PCDHGA5: variants seen among roughly 807,000 people sequenced by gnomAD.
PCDHGA5 encodes protocadherin gamma subfamily A, 5.
PCDHGA5 carries 36 observed loss-of-function variants against 56.7 expected under a neutral mutation model. The ratio of observed to expected loss-of-function variants is 0.64; its 90% CI spans 0.49 to 0.84. PCDHGA5 has a LOEUF of 0.84. PCDHGA5 is among the 40% of genes least tolerant of loss of function. The pLI is 0.00. For missense variants in PCDHGA5, 1,305 were observed against 1,201.5 expected, an observed-to-expected ratio of 1.09 and a Z score of -1.27; for synonymous variants, 563 against 520.2, an observed-to-expected ratio of 1.08 and a Z score of -1.12.
At chr5:141,411,250 T>C (rs1009574489) in intron 1 of PCDHGA5, 1 of 152,156 alleles carries the variant, frequency 6.6e-6, no homozygotes, top group African/African-American at 2.4e-5. Context: ...ATTTACGATA[T>C]CTTATTTATA....
At chr5:141,401,296 C>A (rs2094138441) in intron 1 of PCDHGA5, among the ~76,000 whole-genome samples, 1 of 152,104 alleles carries the variant, frequency 6.6e-6, no homozygotes, top group Non-Finnish European at 1.5e-5. Flanking sequence ...GAGCCGAGAT[C>A]ACTCCATTGC....
intron 2 of PCDHGA5, among the ~76,000 whole-genome samples, chr5:141,499,352 CA>C (rs2099791418): frequency 6.6e-6 from 1 of 152,058 alleles, no homozygotes; most frequent in South Asian, 2.1e-4. Context: ...AGTCATTCAA[CA>C]AACAAATAGC....
At chr5:141,474,133 C>T (rs35162249) in intron 1 of PCDHGA5, among the ~76,000 whole-genome samples, 9,247 of 152,260 alleles carry the variant, frequency 0.061, 334 homozygotes, top group South Asian at 0.12. Flanking sequence ...CAGAAAACTA[C>T]AGGCCTTATT....
At chr5:141,450,445 T>C (rs1490338949) in intron 1 of PCDHGA5, among the ~76,000 whole-genome samples, 1 of 152,168 alleles carries the variant, frequency 6.6e-6, no homozygotes, top group East Asian at 1.9e-4. Context: ...ATTTGTTTTA[T>C]GTTTCCTCGT....
intron 1 of PCDHGA5, chr5:141,397,964 T>A: frequency 9.4e-7 from 1 of 1,060,074 alleles, no homozygotes; most frequent in Non-Finnish European, 1.3e-6. Context: ...CAGCTCAGAC[T>A]CCCCAGCGCC....
Position 141,423,358 on chromosome 5 carries a change from G to A in PCDHGA5, c.2421+56607G>A, listed in dbSNP as rs202010010. The A allele has an allele frequency of 2.3e-4, 371 of 1,614,078 alleles. 1 individual carries two copies. The highest frequency in any genetic ancestry group is 2.8e-4 in the Non-Finnish European group (334 of 1,180,024). ...CTGCATCTTCCTGGTCTTTGTCATC[G>A]TGCTGCTGGCACTCAGGCTGTGGCG... On this transcript the variant is annotated intron_variant, in intron 1 of 3. Coordinates refer to ENST00000518069, the MANE Select transcript of PCDHGA5 (RefSeq NM_018918.3).
rs759226115 is a variant in PCDHGA5 at position 141,405,385 on chromosome 5, A to AT, written c.2421+38642dup. 3.1e-5 allele frequency: 49 copies of AT among 1,599,976 alleles called. 1 individual carries two copies. The highest frequency in any genetic ancestry group is 2.8e-4 in the Admixed American group (16 of 56,782). On this transcript the variant is annotated intron_variant, in intron 1 of 3. Coordinates refer to ENST00000518069, the MANE Select transcript of PCDHGA5 (RefSeq NM_018918.3). ...ACACCCCTTTGGTTCCGGTGAGTTC[A>AT]TTTTTTTTCTTTCTTTCTTTTCTTT...
At chr5:141,416,434 A>G (rs2096024040) in intron 1 of PCDHGA5, 1 of 152,222 alleles carries the variant, frequency 6.6e-6, no homozygotes, top group African/African-American at 2.4e-5. Context: ...CTAAGGCTGA[A>G]AGTAAATATG....
chr5:141,487,933 A>ACCCTGTG lies in PCDHGA5; in HGVS notation c.2422-6873_2422-6872insCCTGTGC. 1.6e-6 allele frequency: 1 copy of ACCCTGTG among 612,004 alleles called. No individual in the cohort carries two copies. The highest frequency in any genetic ancestry group is 1.8e-5 in the African/African-American group (1 of 54,216). The allele number at this position is 612,004 out of a possible 1,614,324, so 37.9% of individuals were successfully genotyped here. On this transcript the variant is annotated intron_variant, in intron 1 of 3. Coordinates refer to ENST00000518069, the MANE Select transcript of PCDHGA5 (RefSeq NM_018918.3). The surrounding 1 kb of genome is among the most constrained non-coding windows in gnomAD (Gnocchi z 5.0). ...CACAGGAGGCTACAGTGCACAGGGT[A>ACCCTGTG]CAGTGCACCAGGCAGTCACTTGGAC... is the stretch of plus-strand genomic sequence containing the variant.
chr5:141,450,977 A>G (rs2098702822), intron 1 of PCDHGA5, among the ~76,000 whole-genome samples: 1 of 151,760 alleles, frequency 6.6e-6, no homozygotes, highest in African/African-American at 2.4e-5. Context: ...GGCATGTGCC[A>G]CCACACCCGG....
rs758599120 is a variant in PCDHGA5 at position 141,414,165 on chromosome 5, A to G, written c.2421+47414A>G. On this transcript the variant is annotated intron_variant, in intron 1 of 3. Transcript: ENST00000518069. The stretch of plus-strand genomic sequence containing the variant: ...AAATACAAGCAGAAGATGGAGGAGC[A>G]TATCTTGCAACTGCAAAAGTGTTGA... 8 of 1,604,890 alleles carry G rather than the reference A, an allele frequency of 5.0e-6. No homozygotes were observed. The highest frequency in any genetic ancestry group is 2.2e-5 in the South Asian group (2 of 89,922).
rs755429700 is a variant in PCDHGA5, at chr5:141,375,609, C to G, written c.2421+8858C>G. ...CTGTCCTCCTACGTGTCCATCAACT[C>G]CGACACTGGGATTCTGTACGCCCTG... On this transcript the variant is annotated intron_variant, in intron 1 of 3. Coordinates refer to ENST00000518069, the MANE Select transcript of PCDHGA5 (RefSeq NM_018918.3). 9.9e-6 allele frequency: 16 copies of G among 1,614,108 alleles called. No homozygotes were observed. The African/African-American group carries it at 2.1e-4, about 22-fold the overall frequency.
At chr5:141,423,183 G>GCCCCCTCTCTCGGCCAC (rs760086052) in intron 1 of PCDHGA5, 8 of 1,613,570 alleles carry the variant, frequency 5.0e-6, no homozygotes, top group Non-Finnish European at 6.8e-6. Context: ...ACCACGGCCA[G>GCCCCCTCTCTCGGCCAC]CCCCCTCTCT....
intron 1 of PCDHGA5, chr5:141,430,857 A>G: frequency 1.3e-6 from 2 of 1,591,432 alleles, no homozygotes; most frequent in Non-Finnish European, 1.7e-6. Flanking sequence ...CAGATACGCT[A>G]TTCAGTTCCG....
rs755462760 is a variant in PCDHGA5, at chr5:141,393,015, T to A, written c.2421+26264T>A. On this transcript the variant is annotated intron_variant, in intron 1 of 3. Coordinates refer to ENST00000518069, the MANE Select transcript of PCDHGA5 (RefSeq NM_018918.3). ...GGCGAAGCACGGAGTCCGTATCGTC[T>A]CCAGAGGTAGGACGCAGCTCTTTGC... The A allele has an allele frequency of 1.6e-5, 26 of 1,613,696 alleles. No individual in the cohort carries two copies. The highest frequency in any genetic ancestry group is 1.9e-5 in the Non-Finnish European group (22 of 1,179,874).
chr5:141,417,767 T>G lies in PCDHGA5; in HGVS notation c.2421+51016T>G, dbSNP rs1333916865. 1.3e-5 allele frequency: 19 copies of G among 1,442,000 alleles called. No individual in the cohort carries two copies. The South Asian group carries it at 1.8e-4, about 13-fold the overall frequency. 89.3% of individuals were successfully genotyped at this position (1,442,000 alleles called of 1,614,324 possible). ...GATTGCCAGCTCCGAGACCCGGGAC[T>G]CCTCCTGTCCTGGGCCGAATGCTCT... On this transcript the variant is annotated intron_variant, in intron 1 of 3. Coordinates refer to ENST00000518069, the MANE Select transcript of PCDHGA5 (RefSeq NM_018918.3).
chr5:141,409,177 T>A (rs1272833119), intron 1 of PCDHGA5: 1 of 1,613,944 alleles, frequency 6.2e-7, no homozygotes, highest in Non-Finnish European at 8.5e-7. Context: ...AGGACGGAGG[T>A]GGTCTCTCTA....
At chr5:141,405,227 C>T (rs562247940) in intron 1 of PCDHGA5, 1 of 1,614,114 alleles carries the variant, frequency 6.2e-7, no homozygotes, top group South Asian at 1.1e-5. Flanking sequence ...GGAGTTCTCC[C>T]TCACCGCTGA....
chr5:141,484,000 G>C (rs1425172275), intron 1 of PCDHGA5, among the ~76,000 whole-genome samples: 1 of 147,812 alleles, frequency 6.8e-6, no homozygotes, highest in Admixed American at 6.8e-5. Context: ...TGGGAGGTCT[G>C]GATGAGGGTG....
Sources: gnomAD v4.1 joint callset for allele counts (sites outside exome capture counted in the v4.1 genomes callset) on GRCh38, gnomAD v4.1.1 for gene constraint, Gnocchi (gnomAD v3.1) non-coding constraint, MANE v1.5 for transcripts, NCBI Gene and HGNC (gene_info 2026-07-23, HGNC 2026-07-21) for gene names.